Variants in AK5 observed in about 807,000 individuals in gnomAD.
AK5 encodes adenylate kinase 5.
In AK5, 27 loss-of-function variants were observed where a neutral mutation model predicts 69.5. The ratio of observed to expected loss-of-function variants is 0.39; its 90% confidence interval spans 0.29 to 0.54. The LOEUF (loss-of-function observed/expected upper bound fraction) is 0.54, where lower values mean the gene tolerates loss of function less well. Among genes scored for constraint, AK5 ranks in the 20% least tolerant of loss-of-function variants. The pLI is 0.71. For synonymous variants in AK5, 260 were observed against 244.4 expected, an observed-to-expected ratio of 1.06 and a Z score of -0.60; for missense variants, 531 against 700.4, an observed-to-expected ratio of 0.76 and a Z score of 2.73.
chr1:77,335,106 T>C (rs1661280694), intron 5 of AK5, among the ~76,000 whole-genome samples: 1 of 152,190 alleles, frequency 6.6e-6, no homozygotes, highest in African/African-American at 2.4e-5. Context: ...AATAGGGCAG[T>C]CAAAAGTACT....
At chr1:77,359,338 A>G (rs1396427088) in intron 6 of AK5, among the ~76,000 whole-genome samples, 1 of 152,170 alleles carries the variant, frequency 6.6e-6, no homozygotes, top group Non-Finnish European at 1.5e-5. Flanking sequence ...ATTTGTTTTC[A>G]CCACAAGCAT....
At chr1:77,523,595 A>G (rs1331281466) in intron 12 of AK5, among the ~76,000 whole-genome samples, 4 of 152,350 alleles carry the variant, frequency 2.6e-5, no homozygotes, top group East Asian at 3.9e-4. Context: ...AAGTACATTC[A>G]TATTGTTATG....
chr1:77,533,426 G>A (rs1393341199), intron 12 of AK5, among the ~76,000 whole-genome samples: 1 of 149,470 alleles, frequency 6.7e-6, no homozygotes, highest in African/African-American at 2.5e-5. Flanking sequence ...TAAGACAGGA[G>A]GATTGCTTGA....
At chr1:77,348,096 C>G (rs1419550569) in intron 6 of AK5, among the ~76,000 whole-genome samples, 1 of 152,134 alleles carries the variant, frequency 6.6e-6, no homozygotes, top group African/African-American at 2.4e-5. Flanking sequence ...TGAACAACTT[C>G]CTCCCCCAAC....
intron 8 of AK5, among the ~76,000 whole-genome samples, chr1:77,478,504 C>T (rs562728924): frequency 4.5e-4 from 69 of 152,310 alleles, no homozygotes; most frequent in Non-Finnish European, 7.4e-4. Context: ...CCTTCTCTTC[C>T]GCCATAATTG....
At chr1:77,521,790 AAG>A in intron 11 of AK5, 35 bp from the exon 12 acceptor site, 1 of 1,511,264 alleles carries the variant, frequency 6.6e-7, no homozygotes, top group Non-Finnish European at 9.2e-7. Context: ...TGTTCTGTGA[AAG>A]AGCTCAGGTC....
intron 5 of AK5, among the ~76,000 whole-genome samples, chr1:77,330,421 A>T (rs1412485700): frequency 2.0e-5 from 3 of 151,984 alleles, no homozygotes; most frequent in African/African-American, 7.2e-5. Flanking sequence ...TTTGCATATC[A>T]TATAATGTAG....
intron 8 of AK5, among the ~76,000 whole-genome samples, chr1:77,460,323 G>A (rs1220667624): frequency 6.6e-6 from 1 of 152,116 alleles, no homozygotes; most frequent in African/African-American, 2.4e-5. Context: ...AACGTCACAG[G>A]AAATATACAA....
chr1:77,464,651 C>A (rs114751377), intron 8 of AK5, among the ~76,000 whole-genome samples: 1 of 152,084 alleles, frequency 6.6e-6, no homozygotes, highest in Non-Finnish European at 1.5e-5. Context: ...GATAAGCCTA[C>A]GGGATAGGCT....
chr1:77,335,781 C>A (rs998449317), intron 5 of AK5, among the ~76,000 whole-genome samples: 12 of 152,048 alleles, frequency 7.9e-5, no homozygotes, highest in African/African-American at 2.9e-4. Flanking sequence ...CTTTTTTACT[C>A]CCAGTCATAT....
At chr1:77,448,226 T>C (rs1652876923) in intron 8 of AK5, among the ~76,000 whole-genome samples, 1 of 152,156 alleles carries the variant, frequency 6.6e-6, no homozygotes, top group African/African-American at 2.4e-5. Flanking sequence ...AGGCTGCCAG[T>C]TCACAGACTG....
intron 5 of AK5, among the ~76,000 whole-genome samples, chr1:77,333,598 A>G (rs925455538): frequency 7.0e-6 from 1 of 141,882 alleles, no homozygotes; most frequent in African/African-American, 2.7e-5. Flanking sequence ...TTTTGTGATT[A>G]TTCTAGAGCA....
chr1:77,486,530 G>A (rs61784770), intron 10 of AK5, among the ~76,000 whole-genome samples, 178 bp downstream of exon 10: 5,909 of 151,814 alleles, frequency 0.039, 146 homozygotes, highest in Middle Eastern at 0.085. Context: ...CCCATCTCTA[G>A]TAAAAATACA....
intron 6 of AK5, among the ~76,000 whole-genome samples, chr1:77,352,607 AT>A (rs1557520081): frequency 2.6e-5 from 4 of 152,224 alleles, no homozygotes; most frequent in Non-Finnish European, 5.9e-5. Flanking sequence ...AGAAGCAATG[AT>A]ACCTGTTAAA....
At chr1:77,501,024 A>T (rs1464666091) in intron 10 of AK5, among the ~76,000 whole-genome samples, 1 of 152,206 alleles carries the variant, frequency 6.6e-6, no homozygotes, top group Non-Finnish European at 1.5e-5. Context: ...GGGTAAGAGG[A>T]CAAAGAAACC....
intron 6 of AK5, among the ~76,000 whole-genome samples, chr1:77,363,654 C>A (rs4949794): frequency 3.3e-5 from 5 of 152,070 alleles, no homozygotes; most frequent in African/African-American, 9.7e-5. Context: ...ACTGTCCCCC[C>A]ACTGTTGTTA....
intron 10 of AK5, among the ~76,000 whole-genome samples, chr1:77,500,175 A>G (rs1439951057): frequency 6.6e-6 from 1 of 152,154 alleles, no homozygotes; most frequent in Non-Finnish European, 1.5e-5. Context: ...AACCATAACT[A>G]AGAAACTCTT....
intron 12 of AK5, among the ~76,000 whole-genome samples, chr1:77,532,597 TC>T (rs962467167): frequency 2.0e-5 from 3 of 152,242 alleles, no homozygotes; most frequent in Middle Eastern, 3.4e-3. Context: ...TAATCATACT[TC>T]CCGGCAAGAG....
intron 12 of AK5, among the ~76,000 whole-genome samples, chr1:77,533,234 GGC>G (rs1333152841): frequency 1.6e-4 from 24 of 152,100 alleles, no homozygotes; most frequent in African/African-American, 5.1e-4. Flanking sequence ...GCAGACTCTA[GGC>G]TGGGTGCGGT....
Sources: gnomAD v4.1 joint callset for allele counts (sites outside exome capture counted in the v4.1 genomes callset) on GRCh38, gnomAD v4.1.1 for gene constraint, MANE v1.5 for transcripts, NCBI Gene and HGNC (gene_info 2026-07-23, HGNC 2026-07-21) for gene names.